The following SLC9A7 variants were observed in gnomAD, a reference collection of about 807,000 sequenced individuals.
SLC9A7 encodes sodium/hydrogen exchanger 7.
A neutral mutation model predicts 52.6 loss-of-function variants in SLC9A7; 19 were observed. That is an observed-to-expected ratio of 0.36 (90% confidence interval 0.25 to 0.53). The LOEUF (loss-of-function observed/expected upper bound fraction) is 0.53. Among genes scored for constraint, SLC9A7 ranks in the 20% least tolerant of loss-of-function variants. The pLI is 0.91. For missense variants in SLC9A7, 455 were observed against 597.9 expected (o/e 0.76, Z 2.49); for synonymous variants, 226 against 252.1 (o/e 0.90, Z 0.98).
chrX:46,733,506 T>A (rs1945075078), intron 1 of SLC9A7, among the ~76,000 whole-genome samples: 2 of 111,868 alleles, frequency 1.8e-5, no homozygotes, highest in Admixed American at 1.9e-4. Flanking sequence ...TTCTCTAAAC[T>A]CTTAAAAAGA....
intron 1 of SLC9A7, among the ~76,000 whole-genome samples, chrX:46,747,436 A>T (rs191351591): frequency 8.9e-6 from 1 of 112,039 alleles, no homozygotes; most frequent in Non-Finnish European, 1.9e-5. Context: ...TCAATTTTTA[A>T]ATTGTTTTAA....
In SLC9A7 at chrX:46,605,507, G is replaced by A. The variant is rs182350070; in HGVS notation, c.*1445C>T. 1.8e-5 allele frequency: 2 copies of A among 111,296 alleles called. No homozygotes were observed. Among genetic ancestry groups the A allele is most frequent in the East Asian group, 2.8e-4 (1 of 3,512 alleles). The allele number at this position is 111,296 out of a possible 1,213,427, so 9.2% of individuals were successfully genotyped here. ...GGCACTCAGTGGTGTAAAGACACTC[G>A]GACTCTTAAGCTTATAGAAGACAGA... On this transcript the variant is annotated 3_prime_UTR_variant, in exon 17 of 17. Coordinates refer to ENST00000616978, the MANE Select transcript of SLC9A7 (RefSeq NM_001257291.2).
In SLC9A7 at chrX:46,738,107, GAGAAA is replaced by G. The variant is rs1481227720; in HGVS notation, c.325+20593_325+20597del. On this transcript the variant is annotated intron_variant, in intron 1 of 16. Transcript: ENST00000616978. ...AGAAAGAAAGAAAGAAAGAAAGAAA[GAGAAA>G]AGAAAAGAAAAGTTTGGACATCTAT... is the stretch of plus-strand genomic sequence containing the variant. Among the ~76,000 whole-genome samples, 328 of 47,430 alleles carry G rather than the reference GAGAAA, an allele frequency of 6.9e-3. 8 individuals are homozygous for G. Among genetic ancestry groups the G allele is most frequent in the Middle Eastern group, 0.021 (2 of 97 alleles). The allele number at this position is 47,430 out of a possible 115,157, so 41.2% of individuals were successfully genotyped here. A position where few individuals can be genotyped will look rare whatever the true frequency, so the allele number is the denominator to read the frequency against.
chrX:46,748,909 A>T (rs1922031623), intron 1 of SLC9A7, among the ~76,000 whole-genome samples: 1 of 110,900 alleles, frequency 9.0e-6, no homozygotes, highest in African/African-American at 3.3e-5. Flanking sequence ...AAATGTTATT[A>T]AATTATACAG....
rs748211290 is a variant in SLC9A7 at position 46,602,514 on chromosome X, C to T, written c.*4438G>A. The T allele has an allele frequency of 1.8e-5, 2 of 111,964 alleles. No individual in the cohort carries two copies. The highest frequency in any genetic ancestry group is 7.5e-4 in the South Asian group (2 of 2,668). The allele number at this position is 111,964 out of a possible 1,213,427, so 9.2% of individuals were successfully genotyped here. ...AACAAAGCATGGATTCCAGGTCCCA[C>T]CTGAAGCTACTGAATCTGAATCTCT... On this transcript the variant is annotated 3_prime_UTR_variant, in exon 17 of 17. Transcript: ENST00000616978.
At chrX:46,724,748 T>C (rs1944916474) in intron 1 of SLC9A7, among the ~76,000 whole-genome samples, 2 of 111,542 alleles carry the variant, frequency 1.8e-5, no homozygotes, top group African/African-American at 6.5e-5. Flanking sequence ...TAGAAAATGG[T>C]TCTGAAACAT....
At chrX:46,748,414 A>AGGACGGAC in intron 1 of SLC9A7, among the ~76,000 whole-genome samples, 1 of 96,492 alleles carries the variant, frequency 1.0e-5, no homozygotes, top group East Asian at 3.1e-4. Flanking sequence ...GAAGGAAGGA[A>AGGACGGAC]GGACAGACAG....
Position 46,679,728 on chromosome X carries a change from T to A in SLC9A7, c.553A>T (p.Asn185Tyr), listed in dbSNP as rs1416889192. The change falls in exon 3 of 17, where the codon AAC becomes TAC. Residue 185 changes from asparagine (N) to tyrosine (Y), a missense_variant. Physicochemically the swap from Asn to Tyr is moderately radical, Grantham distance 143. Transcript: ENST00000616978. ...AAAATAATTGGAGGCAGAAGAATGT[T>A]GAAAAATACTTCTGGATCGAATGTT... ...KVTFDPEVFFNILLPPIIFHA... is the reference protein window; with the variant it reads ...KVTFDPEVFFYILLPPIIFHA... The A allele has an allele frequency of 1.7e-6, 2 of 1,199,046 alleles. No individual in the cohort carries two copies. Among genetic ancestry groups the A allele is most frequent in the Admixed American group, 4.4e-5 (2 of 45,230 alleles).
chrX:46,743,702 A>G (rs5906267), intron 1 of SLC9A7, among the ~76,000 whole-genome samples: 46,601 of 110,468 alleles, frequency 0.42, 8,275 homozygotes, highest in Non-Finnish European at 0.57. Context: ...TTTCTGGCAC[A>G]TCATCAAATG....
intron 1 of SLC9A7, among the ~76,000 whole-genome samples, chrX:46,684,424 C>T (rs903126781): frequency 6.3e-5 from 7 of 111,630 alleles, no homozygotes; most frequent in African/African-American, 2.3e-4. Flanking sequence ...AGGCTGGTCT[C>T]GAACTATTGA....
intron 15 of SLC9A7, among the ~76,000 whole-genome samples, chrX:46,618,327 T>G (rs1942986670): frequency 8.9e-6 from 1 of 111,738 alleles, no homozygotes; most frequent in African/African-American, 3.3e-5. Flanking sequence ...CTGTTTGGAT[T>G]AAAGTGATCT....
At chrX:46,728,417 T>C (rs940986646) in intron 1 of SLC9A7, among the ~76,000 whole-genome samples, 13 of 112,223 alleles carry the variant, frequency 1.2e-4, no homozygotes, top group African/African-American at 4.2e-4. Flanking sequence ...ACATTATTAG[T>C]CAGTAGGGAA....
intron 1 of SLC9A7, among the ~76,000 whole-genome samples, chrX:46,735,463 T>C (rs1018324230): frequency 1.8e-5 from 2 of 112,030 alleles, no homozygotes; most frequent in Non-Finnish European, 3.8e-5. Flanking sequence ...CTTTTACATA[T>C]GCTATAAACA....
intron 5 of SLC9A7, among the ~76,000 whole-genome samples, 192 bp from the exon 6 acceptor site, chrX:46,662,835 G>A (rs1183485760): frequency 8.9e-6 from 1 of 111,740 alleles, no homozygotes; most frequent in East Asian, 2.8e-4. Flanking sequence ...AAGGAGCTTT[G>A]ATATGATGCT....
chrX:46,608,809 C>A (rs772585939), intron 16 of SLC9A7, among the ~76,000 whole-genome samples: 2 of 111,026 alleles, frequency 1.8e-5, no homozygotes, highest in Non-Finnish European at 3.8e-5. Flanking sequence ...TCATGCCCAG[C>A]TAATTTTTGT....
intron 7 of SLC9A7, among the ~76,000 whole-genome samples, chrX:46,661,381 A>T (rs1466081566): frequency 4.5e-5 from 5 of 110,675 alleles, no homozygotes; most frequent in Non-Finnish European, 5.7e-5. Flanking sequence ...ATAATAATAA[A>T]AAAAAAGAAA....
intron 1 of SLC9A7, among the ~76,000 whole-genome samples, chrX:46,702,767 T>C (rs1443164215): frequency 2.7e-5 from 3 of 112,470 alleles, no homozygotes; most frequent in African/African-American, 9.7e-5. Flanking sequence ...GTCTTTATAA[T>C]AGAACAATTT....
At chrX:46,689,852 C>T (rs1170543572) in intron 1 of SLC9A7, among the ~76,000 whole-genome samples, 3 of 110,541 alleles carry the variant, frequency 2.7e-5, no homozygotes, top group African/African-American at 9.9e-5. Context: ...CTCCCACTTA[C>T]GAATGAGAAC....
intron 13 of SLC9A7, among the ~76,000 whole-genome samples, chrX:46,631,855 C>T (rs765840676): frequency 9.0e-6 from 1 of 111,572 alleles, no homozygotes; most frequent in South Asian, 3.8e-4. Context: ...GTCAGAGGGG[C>T]GATGAATCCC....
Sources: gnomAD v4.1 joint callset for allele counts (sites outside exome capture counted in the v4.1 genomes callset) on GRCh38, gnomAD v4.1.1 for gene constraint, MANE v1.5 for transcripts, NCBI Gene and HGNC (gene_info 2026-07-23, HGNC 2026-07-21) for gene names.